The following SLCO3A1 variants were observed in gnomAD, a reference collection of about 807,000 sequenced individuals.
The protein encoded by SLCO3A1 is solute carrier organic anion transporter family member 3A1.
A neutral mutation model predicts 63.1 loss-of-function variants in SLCO3A1; 27 were observed. The ratio of observed to expected loss-of-function variants is 0.43; its 90% CI spans 0.32 to 0.59. The LOEUF (loss-of-function observed/expected upper bound fraction) is 0.59. Among genes scored for constraint, SLCO3A1 ranks in the 20% least tolerant of loss-of-function variants. SLCO3A1 has a pLI of 0.09. For synonymous variants in SLCO3A1, 473 were observed against 409.9 expected, an observed-to-expected ratio of 1.15 and a Z score of -1.86; for missense variants, 773 against 945.8, an observed-to-expected ratio of 0.82 and a Z score of 2.40.
At position 91,854,208 on chromosome 15, in the gene SLCO3A1, C is replaced by A; in HGVS notation, c.180+120C>A. ...GCAGGCGGGCATGACCTCGGCCCGG[C>A]GTGGAGGTTGGCGAGTGGTGCAGAG... On this transcript the variant is annotated intron_variant, in intron 1 of 9. Coordinates refer to ENST00000318445, the MANE Select transcript of SLCO3A1 (RefSeq NM_013272.4). This position sits in a 1 kb window ranked among gnomAD's most constrained non-coding sequence, Gnocchi z 6.4. 8.8e-7 allele frequency: 1 copy of A among 1,141,620 alleles called. No homozygotes were observed. Among genetic ancestry groups the A allele is most frequent in the Non-Finnish European group, 1.1e-6 (1 of 892,860 alleles). 70.7% of individuals were successfully genotyped at this position (1,141,620 alleles called of 1,614,324 possible). A position where few individuals can be genotyped will look rare whatever the true frequency, so the allele number is the denominator to read the frequency against.
At chr15:92,142,444 A>C (rs1276785831) in intron 7 of SLCO3A1, among the ~76,000 whole-genome samples, 1 of 152,130 alleles carries the variant, frequency 6.6e-6, no homozygotes, top group Non-Finnish European at 1.5e-5. Context: ...TGGGAGGGGC[A>C]AGGCAGTTCT....
intron 4 of SLCO3A1, 125 bp downstream of exon 4, chr15:92,104,667 T>A: frequency 6.2e-6 from 6 of 974,912 alleles, no homozygotes; most frequent in Non-Finnish European, 8.8e-6. Context: ...TAATATTGGC[T>A]TGCATGGCTG....
chr15:92,008,280 G>A (rs1567063814), intron 2 of SLCO3A1, among the ~76,000 whole-genome samples: 1 of 152,172 alleles, frequency 6.6e-6, no homozygotes, highest in Non-Finnish European at 1.5e-5. Flanking sequence ...GACCTCCCTG[G>A]AGCTCAGGCT....
intron 1 of SLCO3A1, among the ~76,000 whole-genome samples, chr15:91,899,227 A>G (rs1898087579): frequency 6.6e-6 from 1 of 152,194 alleles, no homozygotes; most frequent in African/African-American, 2.4e-5. Context: ...TCTGATGTAG[A>G]ACAGGGAGAG....
chr15:92,059,527 C>T (rs1482438462), intron 2 of SLCO3A1, among the ~76,000 whole-genome samples: 1 of 152,176 alleles, frequency 6.6e-6, no homozygotes, highest in African/African-American at 2.4e-5. Flanking sequence ...TCACTTCACT[C>T]ATTATCCCGC....
chr15:92,157,003 T>C (rs2048379245), intron 9 of SLCO3A1, among the ~76,000 whole-genome samples: 1 of 152,216 alleles, frequency 6.6e-6, no homozygotes, highest in South Asian at 2.1e-4. Context: ...TGTTAATAGA[T>C]TTCAGGAAAA....
chr15:92,154,548 A>G (rs1173576487), intron 9 of SLCO3A1, among the ~76,000 whole-genome samples: 1 of 152,190 alleles, frequency 6.6e-6, no homozygotes, highest in Non-Finnish European at 1.5e-5. Context: ...CACCACCCTC[A>G]TGGGTCAGAG....
chr15:92,167,018 A>G (rs2048497257), downstream of SLCO3A1, among the ~76,000 whole-genome samples: 1 of 152,246 alleles, frequency 6.6e-6, no homozygotes, highest in South Asian at 2.1e-4. Context: ...TCATACAGTC[A>G]AGACCAGAAA....
At chr15:91,911,252 C>G (rs752869697) in intron 1 of SLCO3A1, among the ~76,000 whole-genome samples, 6 of 152,208 alleles carry the variant, frequency 3.9e-5, no homozygotes, top group Non-Finnish European at 8.8e-5. Context: ...GCGATAATTT[C>G]AATTTGTAGA....
intron 2 of SLCO3A1, among the ~76,000 whole-genome samples, chr15:92,054,288 G>A (rs1473747967): frequency 1.3e-5 from 2 of 152,158 alleles, no homozygotes; most frequent in Non-Finnish European, 2.9e-5. Context: ...TTGTGGAGCT[G>A]TCCTAAAAAT....
At chr15:92,024,743 T>C (rs1248050753) in intron 2 of SLCO3A1, among the ~76,000 whole-genome samples, 2 of 152,200 alleles carry the variant, frequency 1.3e-5, no homozygotes, top group African/African-American at 4.8e-5. Context: ...TGAAGTGTAA[T>C]GTTTTACAAA....
chr15:92,110,246 C>T (rs2047712690), intron 4 of SLCO3A1, among the ~76,000 whole-genome samples: 1 of 152,176 alleles, frequency 6.6e-6, no homozygotes, highest in African/African-American at 2.4e-5. Context: ...CCAAGTCTCT[C>T]TCCAGCCTGC....
downstream of SLCO3A1, among the ~76,000 whole-genome samples, chr15:92,167,792 G>A (rs138270940): frequency 5.7e-3 from 865 of 152,252 alleles, 6 homozygotes; most frequent in Middle Eastern, 0.02. Flanking sequence ...ATGCTTGGTC[G>A]TCATGGCAGG....
At chr15:91,904,185 C>T (rs115737889) in intron 1 of SLCO3A1, among the ~76,000 whole-genome samples, 324 of 152,312 alleles carry the variant, frequency 2.1e-3, no homozygotes, top group African/African-American at 7.4e-3. Flanking sequence ...ATATCATGCA[C>T]GGATGTTCAC....
chr15:91,974,567 G>A (rs539549547), intron 2 of SLCO3A1, among the ~76,000 whole-genome samples: 123 of 151,800 alleles, frequency 8.1e-4, no homozygotes, highest in African/African-American at 2.8e-3. Flanking sequence ...AGGTGCCAGC[G>A]GGCAGAGCCA....
At chr15:92,017,608 G>A (rs746653079) in intron 2 of SLCO3A1, among the ~76,000 whole-genome samples, 1 of 152,168 alleles carries the variant, frequency 6.6e-6, no homozygotes, top group African/African-American at 2.4e-5. Flanking sequence ...TCTTAGGGAT[G>A]TTCAATGAGA....
At chr15:92,125,869 C>G (rs987896914) in intron 5 of SLCO3A1, among the ~76,000 whole-genome samples, 192 bp from the exon 6 acceptor site, 2 of 151,864 alleles carry the variant, frequency 1.3e-5, no homozygotes, top group Non-Finnish European at 2.9e-5. Flanking sequence ...TCTGTCTCCC[C>G]CAGTTCTCCA....
At chr15:92,148,170 C>T (rs373189379) in intron 8 of SLCO3A1, among the ~76,000 whole-genome samples, 8 of 152,158 alleles carry the variant, frequency 5.3e-5, no homozygotes, top group Non-Finnish European at 8.8e-5. Flanking sequence ...GTCATACCAC[C>T]GCACTCCAGC....
At position 91,854,270 on chromosome 15, in the gene SLCO3A1, C is replaced by A. The variant is rs1348919316; in HGVS notation, c.180+182C>A. The stretch of plus-strand genomic sequence containing the variant: ...GGGAGCTGCCGGCCGGGGCTGCCAG[C>A]GAGCGGGTAGCGGGCGGGACCGTTG... On this transcript the variant is annotated intron_variant, in intron 1 of 9. Coordinates refer to ENST00000318445, the MANE Select transcript of SLCO3A1 (RefSeq NM_013272.4). The surrounding 1 kb of genome is among the most constrained non-coding windows in gnomAD (Gnocchi z 6.4). 18 of 1,131,294 alleles carry A rather than the reference C, an allele frequency of 1.6e-5. No individual in the cohort carries two copies. The highest frequency in any genetic ancestry group is 2.0e-5 in the Non-Finnish European group (18 of 915,240). 70.1% of individuals were successfully genotyped at this position (1,131,294 alleles called of 1,614,324 possible).
Sources: allele counts gnomAD v4.1 joint callset (sites outside exome capture counted in the v4.1 genomes callset), GRCh38; gene constraint gnomAD v4.1.1; non-coding constraint Gnocchi (gnomAD v3.1); transcripts MANE v1.5; gene names NCBI Gene and HGNC (gene_info 2026-07-23, HGNC 2026-07-21).